The following MED14 variants were observed in gnomAD, a reference collection of about 807,000 sequenced individuals.
MED14 encodes mediator complex subunit 14.
A neutral mutation model predicts 109.0 loss-of-function variants in MED14; 8 were observed. That is an observed-to-expected ratio of 0.07 (90% confidence interval 0.04 to 0.13). MED14 has a LOEUF of 0.13. Ranked by LOEUF, MED14 falls within the 10% of genes least tolerant of loss-of-function variation. The probability of loss-of-function intolerance (pLI) is 1.00; values close to 1 mark genes in which losing one functional copy is unlikely to be tolerated. For synonymous variants in MED14, 399 were observed against 408.7 expected (o/e 0.98, Z 0.29); for missense variants, 711 against 1,142.4 (o/e 0.62, Z 5.44).
chrX:40,723,639 C>A (rs1931798449), intron 3 of MED14, among the ~76,000 whole-genome samples: 1 of 86,015 alleles, frequency 1.2e-5, no homozygotes. Flanking sequence ...GCACTCCAGC[C>A]TGGGCAACAG....
chrX:40,696,224 T>G (rs1930718770), intron 13 of MED14, among the ~76,000 whole-genome samples: 1 of 104,646 alleles, frequency 9.6e-6, no homozygotes, highest in Non-Finnish European at 1.9e-5. Context: ...AAGCTCCGCC[T>G]CCCGGGTTCA....
intron 23 of MED14, among the ~76,000 whole-genome samples, chrX:40,670,661 T>C (rs908683253): frequency 2.8e-4 from 31 of 109,226 alleles, no homozygotes; most frequent in African/African-American, 7.7e-4. Context: ...CTCGGGAGGC[T>C]GAGGCAGGAG....
intron 3 of MED14, among the ~76,000 whole-genome samples, chrX:40,725,595 A>T (rs1931865985): frequency 8.9e-6 from 1 of 112,214 alleles, no homozygotes; most frequent in Non-Finnish European, 1.9e-5. Context: ...GATCATTTCA[A>T]CTGATGCTGA....
chrX:40,719,739 T>C (rs994383775), intron 3 of MED14, among the ~76,000 whole-genome samples: 2 of 112,116 alleles, frequency 1.8e-5, no homozygotes, highest in Admixed American at 1.9e-4. Context: ...CACATATCTG[T>C]GAATATAACA....
At position 40,651,617 on chromosome X, in the gene MED14, A is replaced by G. The variant is rs1928878632; in HGVS notation, c.*189T>C. On this transcript the variant is annotated 3_prime_UTR_variant, in exon 31 of 31. Transcript: ENST00000324817. ...GTGTCCCATTTAAACACACTATACA[A>G]GTTCATTATACAAAAGATGGATGAT... The G allele has an allele frequency of 1.9e-6, 2 of 1,030,972 alleles. No individual in the cohort carries two copies. The highest frequency in any genetic ancestry group is 1.2e-6 in the Non-Finnish European group (1 of 807,381). The allele number at this position is 1,030,972 out of a possible 1,213,427, so 85.0% of individuals were successfully genotyped here. A position where few individuals can be genotyped will look rare whatever the true frequency, so the allele number is the denominator to read the frequency against.
At chrX:40,726,374 G>GAA (rs549414993) in intron 3 of MED14, 31 of 85,446 alleles carry the variant, frequency 3.6e-4, no homozygotes, top group South Asian at 5.9e-4. Flanking sequence ...TGTAAAACTG[G>GAA]AAAAAAAAAA....
chrX:40,662,498 A>G (rs995154520), intron 26 of MED14, among the ~76,000 whole-genome samples: 2 of 111,826 alleles, frequency 1.8e-5, no homozygotes, highest in Non-Finnish European at 3.8e-5. Context: ...CTGGGATTAC[A>G]GGTATAAGCC....
chrX:40,702,296 A>T (rs1200767810), intron 11 of MED14, among the ~76,000 whole-genome samples: 2 of 109,600 alleles, frequency 1.8e-5, no homozygotes, highest in Non-Finnish European at 3.8e-5. Context: ...TTTTTTATTT[A>T]TGAGTATGTA....
chrX:40,701,126 G>A, intron 12 of MED14, 39 bp downstream of exon 12: 2 of 975,337 alleles, frequency 2.1e-6, no homozygotes, highest in South Asian at 4.2e-5. Context: ...GTCAAAATAA[G>A]TTTCCATTTT....
chrX:40,680,968 GAA>G, intron 19 of MED14, 58 bp from the exon 20 acceptor site: 2 of 736,312 alleles, frequency 2.7e-6, no homozygotes, highest in Non-Finnish European at 1.9e-6. Context: ...TCAAGTAGGA[GAA>G]AAAAAAAATG....
chrX:40,679,634 A>C (rs1025244118), intron 21 of MED14, among the ~76,000 whole-genome samples: 10 of 112,447 alleles, frequency 8.9e-5, no homozygotes, highest in African/African-American at 3.2e-4. Flanking sequence ...ACTGATCAGA[A>C]GGTAAGAATA....
At chrX:40,706,844 G>A (rs1328285402) in intron 10 of MED14, among the ~76,000 whole-genome samples, 1 of 112,188 alleles carries the variant, frequency 8.9e-6, no homozygotes, top group Non-Finnish European at 1.9e-5. Flanking sequence ...CTTGCTTACA[G>A]ATGATACTAA....
At chrX:40,681,014 G>A (rs1930089802) in intron 19 of MED14, 104 bp from the exon 20 acceptor site, 1 of 583,437 alleles carries the variant, frequency 1.7e-6, no homozygotes, top group African/African-American at 2.3e-5. Flanking sequence ...AAATCTAAAT[G>A]GAATTTTTTT....
intron 3 of MED14, among the ~76,000 whole-genome samples, chrX:40,718,131 T>C (rs140433128): frequency 5.0e-4 from 56 of 112,279 alleles, no homozygotes; most frequent in African/African-American, 1.7e-3. Context: ...TTCTAATTCT[T>C]AGTTAGACCC....
At chrX:40,701,995 T>A (rs1280312839) in intron 11 of MED14, among the ~76,000 whole-genome samples, 2 of 111,123 alleles carry the variant, frequency 1.8e-5, no homozygotes, top group Non-Finnish European at 3.8e-5. Flanking sequence ...AGCAGACTTA[T>A]AAGAACGGAT....
At chrX:40,720,063 T>C in intron 3 of MED14, among the ~76,000 whole-genome samples, 1 of 112,032 alleles carries the variant, frequency 8.9e-6, no homozygotes, top group East Asian at 2.8e-4. Context: ...ACTTTATCCC[T>C]GACATAAACA....
At chrX:40,683,441 A>C (rs745866511) in intron 16 of MED14, among the ~76,000 whole-genome samples, 2 of 112,350 alleles carry the variant, frequency 1.8e-5, no homozygotes, top group Non-Finnish European at 1.9e-5. Flanking sequence ...AATGTCTCTG[A>C]ATTTCCCAGC....
rs73624921 is a variant in MED14, at chrX:40,675,118, G to A, written c.3021+103C>T. 1,099 of 762,930 alleles carry A rather than the reference G, an allele frequency of 1.4e-3. 11 individuals carry two copies. In the African/African-American group the frequency reaches 0.021, roughly 15 times the overall value. The allele number at this position is 762,930 out of a possible 1,213,427, so 62.9% of individuals were successfully genotyped here. On this transcript the variant is annotated intron_variant, in intron 22 of 30. Coordinates refer to ENST00000324817, the MANE Select transcript of MED14 (RefSeq NM_004229.4). The stretch of plus-strand genomic sequence containing the variant: ...TCATAAGTATTTCCTGGGCATCTCA[G>A]GCCCACCAAGGACCTCCTTGTCTTT...
At chrX:40,714,884 A>G in intron 3 of MED14, 174 bp from the exon 4 acceptor site, 1 of 405,621 alleles carries the variant, frequency 2.5e-6, no homozygotes, top group Admixed American at 4.8e-5. Flanking sequence ...TATTTAATAC[A>G]CTAGTATTTG....
Sources: allele counts gnomAD v4.1 joint callset (sites outside exome capture counted in the v4.1 genomes callset), GRCh38; gene constraint gnomAD v4.1.1; transcripts MANE v1.5; gene names NCBI Gene and HGNC (gene_info 2026-07-23, HGNC 2026-07-21).